Variants in GSE1 observed in about 807,000 individuals in gnomAD.
The protein encoded by GSE1 is genetic suppressor element 1.
In GSE1, 32 loss-of-function variants were observed where a neutral mutation model predicts 112.6. The observed-to-expected ratio is 0.28, with a 90% CI of 0.21 to 0.38. The LOEUF (loss-of-function observed/expected upper bound fraction) is 0.38. Ranked by LOEUF, GSE1 falls within the 10% of genes least tolerant of loss-of-function variation. The probability of loss-of-function intolerance (pLI) is 1.00; values close to 1 mark genes in which losing one functional copy is unlikely to be tolerated. For missense variants in GSE1, 2,348 were observed against 1,699.2 expected (o/e 1.38, Z -6.71); for synonymous variants, 1,115 against 735.6 (o/e 1.52, Z -8.35).
rs546620915 is a variant in GSE1 at position 85,201,934 on chromosome 16, G to A, written c.2283+30127G>A. 4.6e-5 allele frequency among the ~76,000 whole-genome samples: 7 copies of A among 152,344 alleles called. 1 individual carries two copies. The highest frequency in any genetic ancestry group is 1.7e-4 in the African/African-American group (7 of 41,580). On this transcript the variant is annotated intron_variant, in intron 1 of 2. Transcript: ENST00000637419. ...AAGCTAGGGCTTTTCAGTGCAACCC[G>A]TGGATATATTTTAGTTGCCATCTGT...
intron 2 of GSE1, among the ~76,000 whole-genome samples, chr16:85,399,980 C>G (rs978012623): frequency 2.0e-5 from 3 of 152,228 alleles, no homozygotes; most frequent in Non-Finnish European, 4.4e-5. Flanking sequence ...GGAGTGTGAC[C>G]TGCCAAGTCA....
At chr16:85,666,980 G>C (rs965996310) in intron 13 of GSE1, among the ~76,000 whole-genome samples, 1 of 152,266 alleles carries the variant, frequency 6.6e-6, no homozygotes, top group Non-Finnish European at 1.5e-5. Flanking sequence ...TAGGCATTGT[G>C]TTAGGTATTA....
intron 1 of GSE1, among the ~76,000 whole-genome samples, chr16:85,187,756 G>A (rs935874818): frequency 3.3e-5 from 5 of 152,186 alleles, no homozygotes; most frequent in Non-Finnish European, 4.4e-5. Context: ...GCTTGGGACC[G>A]ACCTCACAGG....
chr16:85,260,939 G>T (rs1382791586), intron 1 of GSE1, among the ~76,000 whole-genome samples: 1 of 152,246 alleles, frequency 6.6e-6, no homozygotes, highest in Admixed American at 6.5e-5. Context: ...TGGCCTAGCT[G>T]CAGGGAGAAA....
intron 2 of GSE1, among the ~76,000 whole-genome samples, chr16:85,525,500 A>G (rs1001246657): frequency 6.6e-6 from 1 of 152,198 alleles, no homozygotes; most frequent in African/African-American, 2.4e-5. Context: ...TACCCTGCTC[A>G]TGATGCCCAG....
At chr16:85,508,983 G>A (rs2051639342) in intron 2 of GSE1, among the ~76,000 whole-genome samples, 1 of 152,218 alleles carries the variant, frequency 6.6e-6, no homozygotes, top group South Asian at 2.1e-4. Context: ...CTGGGTCACA[G>A]TGGATATGTC....
chr16:85,618,974 T>G (rs1299902374), intron 1 of GSE1, among the ~76,000 whole-genome samples: 2 of 152,222 alleles, frequency 1.3e-5, no homozygotes, highest in African/African-American at 4.8e-5. Flanking sequence ...TGGCTTTAAT[T>G]TATAAAGTTC....
At chr16:85,312,459 C>G (rs2045881505) in intron 1 of GSE1, among the ~76,000 whole-genome samples, 1 of 152,210 alleles carries the variant, frequency 6.6e-6, no homozygotes, top group South Asian at 2.1e-4. Context: ...GCCCCGATCT[C>G]TGCCTCTCCT....
At chr16:85,240,916 G>A (rs1472550748) in intron 1 of GSE1, among the ~76,000 whole-genome samples, 1 of 152,154 alleles carries the variant, frequency 6.6e-6, no homozygotes, top group Non-Finnish European at 1.5e-5. Flanking sequence ...GTAAGTCATG[G>A]AGAGATGTGT....
In GSE1 at chr16:85,277,199, C is replaced by T. The variant is rs552841709; in HGVS notation, c.2284-80264C>T. ...AGGCGAGACTGGGCAGGTGAGGTGGCGGTGGGGGTGGGGCACTGTAAGGCC... is the reference window on the plus strand; with the variant it reads ...AGGCGAGACTGGGCAGGTGAGGTGGTGGTGGGGGTGGGGCACTGTAAGGCC... On this transcript the variant is annotated intron_variant, in intron 1 of 2. Coordinates refer to the GSE1 transcript ENST00000637419. Among the ~76,000 whole-genome samples, 6 of 151,894 alleles carry T rather than the reference C, an allele frequency of 4.0e-5. No individual in the cohort carries two copies. The East Asian group carries it at 9.7e-4, about 25-fold the overall frequency.
chr16:85,206,326 G>A (rs1184267156), intron 1 of GSE1, among the ~76,000 whole-genome samples: 1 of 152,154 alleles, frequency 6.6e-6, no homozygotes, highest in Non-Finnish European at 1.5e-5. Flanking sequence ...TGGGGGCACG[G>A]TGGAAGGGTC....
intron 1 of GSE1, among the ~76,000 whole-genome samples, chr16:85,632,921 G>T (rs1598463136): frequency 6.6e-6 from 1 of 152,324 alleles, no homozygotes; most frequent in Non-Finnish European, 1.5e-5. Flanking sequence ...CACACGGGGT[G>T]GGCGGACTGA....
At position 85,655,853 on chromosome 16, in the gene GSE1, G is replaced by A. The variant is rs1344661173; in HGVS notation, c.925G>A (p.Glu309Lys). Reference protein sequence around the residue: ...LHLSGVRYPPELSHSSLAALH... With the variant: ...LHLSGVRYPPKLSHSSLAALH... Reference sequence around the variant, plus strand: ...CCTCTCTGGGGTCCGCTACCCTCCCGAGCTCTCCCACTCATCCCTGGCAGC... The same window carrying A: ...CCTCTCTGGGGTCCGCTACCCTCCCAAGCTCTCCCACTCATCCCTGGCAGC... Residue 309 changes from glutamate (E) to lysine (K), a missense_variant, in exon 6 of 16, where the codon GAG becomes AAG. Physicochemically the swap from Glu to Lys is moderately conservative, Grantham distance 56. Coordinates refer to ENST00000253458, the MANE Select transcript of GSE1 (RefSeq NM_014615.5). 52 of 1,608,660 alleles carry A rather than the reference G, an allele frequency of 3.2e-5. No individual in the cohort carries two copies. Among genetic ancestry groups the A allele is most frequent in the Non-Finnish European group, 4.3e-5 (51 of 1,179,624 alleles).
intron 2 of GSE1, among the ~76,000 whole-genome samples, chr16:85,520,637 G>T (rs142768021): frequency 0.03 from 4,569 of 151,924 alleles, 106 homozygotes; most frequent in South Asian, 0.1. Context: ...TGGCCAGGCT[G>T]GTCTTGAACT....
intron 1 of GSE1, among the ~76,000 whole-genome samples, chr16:85,291,828 C>G (rs1011967571): frequency 1.3e-5 from 2 of 152,232 alleles, no homozygotes; most frequent in African/African-American, 4.8e-5. Flanking sequence ...CTCCCCATCC[C>G]CCCGCCAGCA....
intron 2 of GSE1, among the ~76,000 whole-genome samples, chr16:85,645,632 CCT>C (rs1491395491): frequency 6.4e-4 from 98 of 152,230 alleles, no homozygotes; most frequent in African/African-American, 2.2e-3. Flanking sequence ...CTGGGCACCC[CCT>C]GTGAGCAGCA....
At chr16:85,321,615 G>A (rs1347375071) in intron 1 of GSE1, among the ~76,000 whole-genome samples, 3 of 151,948 alleles carry the variant, frequency 2.0e-5, no homozygotes, top group Non-Finnish European at 4.4e-5. Context: ...CAGCCTGGGT[G>A]ACAGAGCAAG....
chr16:85,201,691 C>T (rs2075032206), intron 1 of GSE1, among the ~76,000 whole-genome samples: 1 of 152,092 alleles, frequency 6.6e-6, no homozygotes, highest in Non-Finnish European at 1.5e-5. Flanking sequence ...GTGACCATGG[C>T]TGGGCCGCTG....
intron 2 of GSE1, among the ~76,000 whole-genome samples, chr16:85,473,704 C>T (rs2050365327): frequency 6.6e-6 from 1 of 152,190 alleles, no homozygotes; most frequent in Admixed American, 6.5e-5. Context: ...ACCACATCTG[C>T]AAAGAGCCTT....
Sources: allele counts gnomAD v4.1 joint callset (sites outside exome capture counted in the v4.1 genomes callset), GRCh38; gene constraint gnomAD v4.1.1; transcripts MANE v1.5; gene names NCBI Gene and HGNC (gene_info 2026-07-23, HGNC 2026-07-21).